TMEM127: variants seen among roughly 807,000 people sequenced by gnomAD.
TMEM127 encodes the protein transmembrane protein 127.
In TMEM127, 21 loss-of-function variants were observed where a neutral mutation model predicts 20.1. That is an observed-to-expected ratio of 1.04 (90% CI 0.74 to 1.50). The LOEUF is 1.50. Ranked by LOEUF, TMEM127 falls within the 40% of genes most tolerant of loss-of-function variation. TMEM127 has a pLI of 0.00. For missense variants in TMEM127, 303 were observed against 317.4 expected (o/e 0.95, Z 0.34); for synonymous variants, 150 against 144.7 (o/e 1.04, Z -0.26).
rs1684402244 is a variant in TMEM127 at position 96,265,477 on chromosome 2, C to G, written c.-96G>C. 3 of 1,269,066 alleles carry G rather than the reference C, an allele frequency of 2.4e-6. No homozygotes were observed. The East Asian group carries it at 9.7e-5, about 41-fold the overall frequency. The allele number at this position is 1,269,066 out of a possible 1,614,324, so 78.6% of individuals were successfully genotyped here. On this transcript the variant is annotated 5_prime_UTR_variant, in exon 2 of 4. Coordinates refer to ENST00000258439, the MANE Select transcript of TMEM127 (RefSeq NM_017849.4). Reference sequence around the variant, plus strand: ...CTGACAGTCCGGTGGAGGATAGCAACGCTCCGGGTTCGCTGCAGGTGAAGC... The same window carrying G: ...CTGACAGTCCGGTGGAGGATAGCAAGGCTCCGGGTTCGCTGCAGGTGAAGC...
At chr2:96,258,235 C>T (rs1684248859) in intron 2 of TMEM127, among the ~76,000 whole-genome samples, 1 of 152,194 alleles carries the variant, frequency 6.6e-6, no homozygotes, top group Non-Finnish European at 1.5e-5. Flanking sequence ...CCCAGGTAAT[C>T]CCCATGCAGG....
intron 2 of TMEM127, 77 bp downstream of exon 2, chr2:96,265,061 C>G: frequency 6.3e-7 from 1 of 1,588,858 alleles, no homozygotes; most frequent in South Asian, 1.1e-5. Context: ...GTGTCTGGTC[C>G]CTGGCTATCT....
rs1055780761 is a variant in TMEM127, at chr2:96,263,033, T to A, written c.244+2105A>T. On this transcript the variant is annotated intron_variant, in intron 2 of 3. Coordinates refer to ENST00000258439, the MANE Select transcript of TMEM127 (RefSeq NM_017849.4). ...ATACACATGTGAACAAAGAAGAACC[T>A]GCACCAAGAATTTACTTTTTTTTTT... is the stretch of plus-strand genomic sequence containing the variant. 4.0e-5 allele frequency among the ~76,000 whole-genome samples: 6 copies of A among 149,998 alleles called. No individual in the cohort carries two copies. In the East Asian group the frequency reaches 1.2e-3, roughly 30 times the overall value.
intron 3 of TMEM127, among the ~76,000 whole-genome samples, 198 bp from the exon 4 acceptor site, chr2:96,254,313 G>T (rs994911026): frequency 6.6e-6 from 1 of 152,174 alleles, no homozygotes; most frequent in Non-Finnish European, 1.5e-5. Context: ...CCTGATCTAG[G>T]CCAGTCAGAT....
At chr2:96,264,746 A>C (rs954038130) in intron 2 of TMEM127, among the ~76,000 whole-genome samples, 1 of 152,224 alleles carries the variant, frequency 6.6e-6, no homozygotes, top group African/African-American at 2.4e-5. Context: ...TATCTTTTAA[A>C]ACCTAGTCAT....
In TMEM127 at chr2:96,255,017, T is replaced by C; in HGVS notation, c.245-20A>G. 6.2e-7 allele frequency: 1 copy of C among 1,613,842 alleles called. No individual in the cohort carries two copies. The highest frequency in any genetic ancestry group is 8.5e-7 in the Non-Finnish European group (1 of 1,179,910). ...AGAAATCTGTAGAGGGAGAACCAAA[T>C]TTTCACGGCCCCAAGTAACACTTGG... is the stretch of plus-strand genomic sequence containing the variant. On this transcript the variant is annotated intron_variant, in intron 2 of 3. Transcript: ENST00000258439.
At position 96,251,632 on chromosome 2, in the gene TMEM127, C is replaced by G. The variant is rs1022594114; in HGVS notation, c.*2176G>C. On this transcript the variant is annotated 3_prime_UTR_variant, in exon 4 of 4. Transcript: ENST00000258439. ...ATCGTGACAGAAAAATGACAGGCAG[C>G]CATTGTCATTTCCATTCTTATTCGT... 4.3e-6 allele frequency: 1 copy of G among 233,070 alleles called. No homozygotes were observed. Among genetic ancestry groups the G allele is most frequent in the Non-Finnish European group, 8.5e-6 (1 of 117,706 alleles). The allele number at this position is 233,070 out of a possible 1,614,324, so 14.4% of individuals were successfully genotyped here.
In TMEM127 at chr2:96,251,207, C is replaced by G. The variant is rs1279572819; in HGVS notation, c.*2601G>C. ...TGCACGGAGCTGGCCCATGCCAAGT[C>G]CCTTCTAACTATTTTAAATTACATC... On this transcript the variant is annotated 3_prime_UTR_variant, in exon 4 of 4. Coordinates refer to ENST00000258439, the MANE Select transcript of TMEM127 (RefSeq NM_017849.4). The G allele has an allele frequency of 4.6e-6, 1 of 215,962 alleles. No homozygotes were observed. Among genetic ancestry groups the G allele is most frequent in the Non-Finnish European group, 9.3e-6 (1 of 107,150 alleles). 13.4% of individuals were successfully genotyped at this position (215,962 alleles called of 1,614,324 possible).
intron 2 of TMEM127, among the ~76,000 whole-genome samples, chr2:96,262,988 T>C (rs1456918204): frequency 6.6e-6 from 1 of 151,902 alleles, no homozygotes; most frequent in African/African-American, 2.4e-5. Flanking sequence ...CTGGCCCGAA[T>C]AATTTCTTAG....
In TMEM127 at chr2:96,250,905, C is replaced by T. The variant is rs1684074128; in HGVS notation, c.*2903G>A. 1 of 229,718 alleles carries T rather than the reference C, an allele frequency of 4.4e-6. No individual in the cohort carries two copies. Among genetic ancestry groups the T allele is most frequent in the African/African-American group, 2.2e-5 (1 of 45,122 alleles). The allele number at this position is 229,718 out of a possible 1,614,324, so 14.2% of individuals were successfully genotyped here. ...TACAGAAAATAAAGACAGAAAAACA[C>T]ACAAATTATTAAATAAAATTTAAAC... On this transcript the variant is annotated 3_prime_UTR_variant, in exon 4 of 4. Transcript: ENST00000258439.
chr2:96,253,954 TG>T lies in TMEM127; in HGVS notation c.570del (p.Thr191ArgfsTer116), dbSNP rs1215337884. Reference sequence around the variant, plus strand: ...TAGTGGCGCAGGAGGTTGGCTGCCGTGGCCAGGATTGAGGCTCCACCAGCTC... The same window carrying T: ...TAGTGGCGCAGGAGGTTGGCTGCCGTGCCAGGATTGAGGCTCCACCAGCTC... ...VAGAGGASIL[A>X]TAANLLRHYP... On this transcript the variant is annotated frameshift_variant, in exon 4 of 4. Transcript: ENST00000258439. LOFTEE classifies it high-confidence loss of function. The surrounding 1 kb of genome is among the most constrained non-coding windows in gnomAD (Gnocchi z 4.3). 6.2e-7 allele frequency: 1 copy of T among 1,614,098 alleles called. No homozygotes were observed. Among genetic ancestry groups the T allele is most frequent in the Admixed American group, 1.7e-5 (1 of 60,012 alleles).
At chr2:96,262,572 A>G (rs1165779390) in intron 2 of TMEM127, among the ~76,000 whole-genome samples, 1 of 152,278 alleles carries the variant, frequency 6.6e-6, no homozygotes, top group Non-Finnish European at 1.5e-5. Flanking sequence ...GGAGATGGCC[A>G]CAGGCAAGCA....
rs563766603 is a variant in TMEM127 at position 96,249,329 on chromosome 2, C to CA, written c.*4478_*4479insT. ...GCCAGAATGGTCTCGATCTCCTGACCTTGTGATCCACCCACCTCGGCCTCC... is the reference window on the plus strand; with the variant it reads ...GCCAGAATGGTCTCGATCTCCTGACCATTGTGATCCACCCACCTCGGCCTCC... On this transcript the variant is annotated 3_prime_UTR_variant, in exon 4 of 4. Transcript: ENST00000258439. The CA allele has an allele frequency of 1.2e-4, 26 of 209,712 alleles. No individual in the cohort carries two copies. In the East Asian group the frequency reaches 1.7e-3, roughly 14 times the overall value. 13.0% of individuals were successfully genotyped at this position (209,712 alleles called of 1,614,324 possible).
intron 2 of TMEM127, 102 bp from the exon 3 acceptor site, chr2:96,255,099 C>G (rs1684178282): frequency 6.6e-7 from 1 of 1,514,428 alleles, no homozygotes; most frequent in African/African-American, 1.4e-5. Flanking sequence ...GTCCTGGGAG[C>G]CAGGGCAGTT....
chr2:96,252,589 T>A lies in TMEM127; in HGVS notation c.*1219A>T, dbSNP rs1006783757. The A allele has an allele frequency of 8.6e-6, 2 of 233,686 alleles. No homozygotes were observed. The highest frequency in any genetic ancestry group is 4.4e-5 in the African/African-American group (2 of 45,252). The allele number at this position is 233,686 out of a possible 1,614,324, so 14.5% of individuals were successfully genotyped here. On this transcript the variant is annotated 3_prime_UTR_variant, in exon 4 of 4. Transcript: ENST00000258439. This position sits in a 1 kb window ranked among gnomAD's most constrained non-coding sequence, Gnocchi z 4.2. ...GGCAAGCTGGAGTCCCGAGTCAGAG[T>A]CTAGGGCAGCACTGGGTCTGAAGGA...
At position 96,251,633 on chromosome 2, in the gene TMEM127, C is replaced by A. The variant is rs968321519; in HGVS notation, c.*2175G>T. 1 of 233,088 alleles carries A rather than the reference C, an allele frequency of 4.3e-6. No individual in the cohort carries two copies. The highest frequency in any genetic ancestry group is 8.5e-6 in the Non-Finnish European group (1 of 117,698). The allele number at this position is 233,088 out of a possible 1,614,324, so 14.4% of individuals were successfully genotyped here. A position where few individuals can be genotyped will look rare whatever the true frequency, so the allele number is the denominator to read the frequency against. On this transcript the variant is annotated 3_prime_UTR_variant, in exon 4 of 4. Transcript: ENST00000258439. ...TCGTGACAGAAAAATGACAGGCAGC[C>A]ATTGTCATTTCCATTCTTATTCGTG...
Position 96,249,098 on chromosome 2 carries a change from GT to G in TMEM127, c.*4709del, listed in dbSNP as rs1684035199. ...ACCTGTGTGTGTGTGTGTGGTGTGT[GT>G]GTGTGTGTGTGTGTGTGTTTGAGAT... On this transcript the variant is annotated 3_prime_UTR_variant, in exon 4 of 4. Coordinates refer to ENST00000258439, the MANE Select transcript of TMEM127 (RefSeq NM_017849.4). The G allele has an allele frequency of 1.7e-5, 4 of 231,702 alleles. No individual in the cohort carries two copies. Among genetic ancestry groups the G allele is most frequent in the Non-Finnish European group, 2.6e-5 (3 of 117,370 alleles). 14.4% of individuals were successfully genotyped at this position (231,702 alleles called of 1,614,324 possible).
chr2:96,250,551 T>A lies in TMEM127; in HGVS notation c.*3257A>T, dbSNP rs1684065425. On this transcript the variant is annotated 3_prime_UTR_variant, in exon 4 of 4. Transcript: ENST00000258439. ...TAATGGTGCTTTGTCTGAATGGACA[T>A]GAAATGAGAACACACTCCCAGCTTC... 4.3e-6 allele frequency: 1 copy of A among 232,816 alleles called. No individual in the cohort carries two copies. The highest frequency in any genetic ancestry group is 2.2e-5 in the African/African-American group (1 of 45,310). The allele number at this position is 232,816 out of a possible 1,614,324, so 14.4% of individuals were successfully genotyped here.
In TMEM127 at chr2:96,251,537, GA is replaced by G. The variant is rs886056437; in HGVS notation, c.*2270del. The G allele has an allele frequency of 1.9e-4, 43 of 226,234 alleles. No homozygotes were observed. The highest frequency in any genetic ancestry group is 4.0e-4 in the Admixed American group (7 of 17,392). 14.0% of individuals were successfully genotyped at this position (226,234 alleles called of 1,614,324 possible). ...ACTCTTGTCTCAAAAACAAGAAAAA[GA>G]AAAAAAAATACAGCCTCATCAACAT... On this transcript the variant is annotated 3_prime_UTR_variant, in exon 4 of 4. Transcript: ENST00000258439.
Sources: gnomAD v4.1 joint callset for allele counts (sites outside exome capture counted in the v4.1 genomes callset) on GRCh38, gnomAD v4.1.1 for gene constraint, Gnocchi (gnomAD v3.1) non-coding constraint, MANE v1.5 for transcripts, NCBI Gene and HGNC (gene_info 2026-07-23, HGNC 2026-07-21) for gene names.